The following VDR variants were observed in gnomAD, a reference collection of about 807,000 sequenced individuals.
VDR encodes the protein vitamin D receptor.
A neutral mutation model predicts 39.7 loss-of-function variants in VDR; 19 were observed. The ratio of observed to expected loss-of-function variants is 0.48; its 90% CI spans 0.33 to 0.70. VDR has a LOEUF of 0.70. VDR is among the 30% of genes least tolerant of loss of function. The probability of loss-of-function intolerance (pLI) is 0.02; values close to 1 mark genes in which losing one functional copy is unlikely to be tolerated. For missense variants in VDR, 442 were observed against 570.5 expected, an observed-to-expected ratio of 0.77 and a Z score of 2.29; for synonymous variants, 242 against 215.8, an observed-to-expected ratio of 1.12 and a Z score of -1.07.
At chr12:47,900,029 T>G in intron 1 of VDR, 1 of 843,610 alleles carries the variant, frequency 1.2e-6, no homozygotes, top group Non-Finnish European at 1.4e-6. Flanking sequence ...AATGGGACAA[T>G]CAGCACATAG....
chr12:47,889,458 C>T (rs1461279388), intron 1 of VDR, among the ~76,000 whole-genome samples: 1 of 152,156 alleles, frequency 6.6e-6, no homozygotes, highest in African/African-American at 2.4e-5. Flanking sequence ...CTAGGATCAC[C>T]CACATGCTCC....
chr12:47,850,575 C>G (rs1239620794), intron 7 of VDR, among the ~76,000 whole-genome samples: 1 of 152,160 alleles, frequency 6.6e-6, no homozygotes, highest in East Asian at 1.9e-4. Flanking sequence ...AAAACGACCC[C>G]AAATGACTGC....
chr12:47,881,795 G>A (rs1946155117), intron 2 of VDR, among the ~76,000 whole-genome samples: 1 of 150,930 alleles, frequency 6.6e-6, no homozygotes, highest in Non-Finnish European at 1.5e-5. Context: ...GCAGGTTTTA[G>A]AACATAGCAC....
At chr12:47,853,727 C>A (rs1270889664) in intron 7 of VDR, among the ~76,000 whole-genome samples, 1 of 152,072 alleles carries the variant, frequency 6.6e-6, no homozygotes, top group African/African-American at 2.4e-5. Context: ...TGTACTCCGG[C>A]CTGGGCAACA....
At chr12:47,893,275 A>C (rs1320672503) in intron 1 of VDR, among the ~76,000 whole-genome samples, 1 of 152,142 alleles carries the variant, frequency 6.6e-6, no homozygotes, top group African/African-American at 2.4e-5. Context: ...TCATTGTTTC[A>C]TTGAGACGTT....
chr12:47,858,890 G>A lies in VDR; in HGVS notation c.278-1202C>T, dbSNP rs548754895. ...AGAGAAGTTGCTGTGGGGTGAGGAA[G>A]AGCCTATGCTGGGAGGGAGTGGACA... On this transcript the variant is annotated intron_variant, in intron 4 of 9. Coordinates refer to ENST00000549336, the MANE Select transcript of VDR (RefSeq NM_000376.3). Among the ~76,000 whole-genome samples the A allele has an allele frequency of 4.6e-5, 7 of 152,338 alleles. No individual in the cohort carries two copies. In the East Asian group the frequency reaches 7.7e-4, roughly 17 times the overall value.
At position 47,865,050 on chromosome 12, in the gene VDR, C is replaced by G; in HGVS notation, c.274G>C (p.Glu92Gln). 6.2e-7 allele frequency: 1 copy of G among 1,613,464 alleles called. No homozygotes were observed. The highest frequency in any genetic ancestry group is 8.5e-7 in the Non-Finnish European group (1 of 1,179,392). The change falls in exon 4 of 10, where the codon GAG becomes CAG. Residue 92 changes from glutamate (E) to glutamine (Q), a missense_variant. By Grantham distance (29) the Glu-to-Gln change is conservative. Coordinates refer to ENST00000549336, the MANE Select transcript of VDR (RefSeq NM_000376.3). Reference protein sequence around the residue: ...KRCVDIGMMKEFILTDEEVQR... With the variant: ...KRCVDIGMMKQFILTDEEVQR... ...TGCCCAGCCCCTGGACACTCACACT[C>G]CTTCATCATGCCGATGTCCACACAG...
Position 47,844,448 on chromosome 12 carries a change from G to A in VDR, c.*298C>T, listed in dbSNP as rs886049434. ...GTCAGCAGCCACTTAGGCAGCGGTG[G>A]AGGCATCTCTGGGCAAGGCCCTGCC... is the stretch of plus-strand genomic sequence containing the variant. On this transcript the variant is annotated 3_prime_UTR_variant, in exon 10 of 10. Coordinates refer to ENST00000549336, the MANE Select transcript of VDR (RefSeq NM_000376.3). 5.6e-5 allele frequency: 31 copies of A among 557,660 alleles called. No homozygotes were observed. The highest frequency in any genetic ancestry group is 4.9e-4 in the Middle Eastern group (1 of 2,058). The allele number at this position is 557,660 out of a possible 1,614,324, so 34.5% of individuals were successfully genotyped here. A position where few individuals can be genotyped will look rare whatever the true frequency, so the allele number is the denominator to read the frequency against.
At chr12:47,850,401 A>T (rs7967152) in intron 7 of VDR, among the ~76,000 whole-genome samples, 1 of 151,952 alleles carries the variant, frequency 6.6e-6, no homozygotes, top group African/African-American at 2.4e-5. Flanking sequence ...TTGCTATCAT[A>T]GGTAATTCTG....
At chr12:47,878,738 C>A in intron 3 of VDR, 1 of 699,490 alleles carries the variant, frequency 1.4e-6, no homozygotes, top group South Asian at 1.5e-5. Flanking sequence ...ACCCACACAG[C>A]AACCTCAGGA....
intron 4 of VDR, among the ~76,000 whole-genome samples, chr12:47,862,714 C>CT: frequency 6.6e-6 from 1 of 152,310 alleles, no homozygotes; most frequent in Middle Eastern, 3.4e-3. Context: ...TCAATTGTCT[C>CT]TGGGATGCTA....
intron 1 of VDR, among the ~76,000 whole-genome samples, chr12:47,883,635 A>G (rs1331208306): frequency 1.3e-5 from 2 of 152,102 alleles, no homozygotes; most frequent in East Asian, 3.9e-4. Flanking sequence ...ACACACACAC[A>G]AACACACAAA....
chr12:47,846,198 C>G (rs1453486389), intron 9 of VDR, 137 bp downstream of exon 9: 2 of 741,008 alleles, frequency 2.7e-6, no homozygotes, highest in Non-Finnish European at 4.6e-6. Flanking sequence ...TGCAAACCAG[C>G]AAAGTAGGTA....
chr12:47,865,958 G>C (rs7968852), intron 3 of VDR, among the ~76,000 whole-genome samples: 1 of 150,426 alleles, frequency 6.6e-6, no homozygotes, highest in Non-Finnish European at 1.5e-5. Flanking sequence ...CTCATGATCC[G>C]CCTGCCTTGG....
chr12:47,902,843 T>G (rs1946592501), intron 1 of VDR, among the ~76,000 whole-genome samples: 1 of 152,224 alleles, frequency 6.6e-6, no homozygotes, highest in African/African-American at 2.4e-5. Flanking sequence ...AGCCACCTGA[T>G]GTAGCCCACT....
At chr12:47,891,949 G>A (rs955578565) in intron 1 of VDR, among the ~76,000 whole-genome samples, 1 of 151,424 alleles carries the variant, frequency 6.6e-6, no homozygotes, top group Middle Eastern at 3.4e-3. Flanking sequence ...TCAGGAGAAG[G>A]CTGAGGTGGG....
At position 47,843,495 on chromosome 12, in the gene VDR, C is replaced by CAGCTG. The variant is rs796454687; in HGVS notation, c.*1246_*1250dup. On this transcript the variant is annotated 3_prime_UTR_variant, in exon 10 of 10. Transcript: ENST00000549336. ...GAGTAAACGGACAGACGCTTCCCAC[C>CAGCTG]AGCTGGGCTGGGCTGGCTGCAGAGA... The CAGCTG allele has an allele frequency of 1.3e-5, 2 of 151,262 alleles. No individual in the cohort carries two copies. Among genetic ancestry groups the CAGCTG allele is most frequent in the African/African-American group, 4.8e-5 (2 of 41,284 alleles). The allele number at this position is 151,262 out of a possible 1,614,324, so 9.4% of individuals were successfully genotyped here. A position where few individuals can be genotyped will look rare whatever the true frequency, so the allele number is the denominator to read the frequency against.
intron 2 of VDR, 58 bp downstream of exon 2, chr12:47,882,636 A>G: frequency 7.5e-6 from 2 of 266,078 alleles, no homozygotes; most frequent in Non-Finnish European, 1.4e-5. Context: ...CCTCCCCCCC[A>G]CCCCGCCCCT....
intron 3 of VDR, among the ~76,000 whole-genome samples, chr12:47,871,925 C>T (rs891289480): frequency 6.6e-6 from 1 of 152,268 alleles, no homozygotes; most frequent in Non-Finnish European, 1.5e-5. Flanking sequence ...CACATACACA[C>T]ACACACATAT....
Sources: gnomAD v4.1 joint callset for allele counts (sites outside exome capture counted in the v4.1 genomes callset) on GRCh38, gnomAD v4.1.1 for gene constraint, MANE v1.5 for transcripts, NCBI Gene and HGNC (gene_info 2026-07-23, HGNC 2026-07-21) for gene names.